Variants in FSTL5 observed in about 807,000 individuals in gnomAD.
FSTL5 encodes follistatin-related protein 5.
A neutral mutation model predicts 89.1 loss-of-function variants in FSTL5; 62 were observed. That is an observed-to-expected ratio of 0.70 (90% CI 0.57 to 0.86). The LOEUF is 0.86. FSTL5 is among the 40% of genes least tolerant of loss of function. The probability of loss-of-function intolerance (pLI) is 0.00; values close to 1 mark genes in which losing one functional copy is unlikely to be tolerated. For synonymous variants in FSTL5, 383 were observed against 346.2 expected (o/e 1.11, Z -1.18); for missense variants, 1,057 against 1,001.6 (o/e 1.06, Z -0.75).
intron 15 of FSTL5, among the ~76,000 whole-genome samples, chr4:161,426,483 C>A (rs1266857434): frequency 6.6e-6 from 1 of 152,170 alleles, no homozygotes; most frequent in Non-Finnish European, 1.5e-5. Context: ...AGCTTGTAAG[C>A]AGATAGCAGA....
At chr4:161,774,131 G>A (rs896228443) in intron 5 of FSTL5, among the ~76,000 whole-genome samples, 13 of 152,156 alleles carry the variant, frequency 8.5e-5, no homozygotes, top group Admixed American at 4.6e-4. Context: ...GCATGGTGGC[G>A]GGTGCCTGTA....
At chr4:162,009,377 G>T (rs747376821) in intron 3 of FSTL5, among the ~76,000 whole-genome samples, 85 of 152,144 alleles carry the variant, frequency 5.6e-4, no homozygotes, top group Non-Finnish European at 8.2e-4. Context: ...CAAAGGAGTG[G>T]TCTTACAGAG....
At chr4:161,488,227 G>A (rs999952149) in intron 12 of FSTL5, among the ~76,000 whole-genome samples, 3 of 151,800 alleles carry the variant, frequency 2.0e-5, no homozygotes, top group African/African-American at 7.3e-5. Flanking sequence ...TTCAATTTCC[G>A]ATTTCATTTA....
chr4:161,712,739 C>T (rs1388433664), intron 6 of FSTL5, among the ~76,000 whole-genome samples: 1 of 152,022 alleles, frequency 6.6e-6, no homozygotes, highest in Non-Finnish European at 1.5e-5. Flanking sequence ...CATGAGTTCA[C>T]TGGAGATCTC....
intron 1 of FSTL5, among the ~76,000 whole-genome samples, chr4:162,154,875 A>G (rs1252791743): frequency 1.3e-5 from 2 of 152,174 alleles, no homozygotes; most frequent in Non-Finnish European, 2.9e-5. Flanking sequence ...ATTAGGAAGA[A>G]CAGCCTACGA....
chr4:161,538,432 G>C (rs1731708169), intron 9 of FSTL5, 132 bp from the exon 10 acceptor site: 1 of 941,744 alleles, frequency 1.1e-6, no homozygotes, highest in Admixed American at 2.1e-5. Flanking sequence ...TCCATACTTT[G>C]AAGGCATGCC....
intron 3 of FSTL5, among the ~76,000 whole-genome samples, chr4:162,031,664 G>A (rs1193012057): frequency 1.3e-5 from 2 of 152,072 alleles, no homozygotes; most frequent in Non-Finnish European, 2.9e-5. Flanking sequence ...AGGGCCGGGC[G>A]CGGTGGCTCA....
At chr4:161,511,532 A>G (rs1730652314) in intron 10 of FSTL5, among the ~76,000 whole-genome samples, 1 of 152,144 alleles carries the variant, frequency 6.6e-6, no homozygotes, top group African/African-American at 2.4e-5. Context: ...AAAAAGTATA[A>G]CTTTCAATTA....
rs573542372 is a variant in FSTL5, at chr4:162,081,829, C to T, written c.126+29442G>A. ...TCTCTCTCTCTCTCTCACACACACA[C>T]ACCTTCTTAAGCCGACAAAATTTAT... On this transcript the variant is annotated intron_variant, in intron 2 of 15. Coordinates refer to ENST00000306100, the MANE Select transcript of FSTL5 (RefSeq NM_020116.5). 8.6e-5 allele frequency among the ~76,000 whole-genome samples: 13 copies of T among 151,172 alleles called. 1 individual carries two copies. The South Asian group carries it at 2.5e-3, about 29-fold the overall frequency.
chr4:162,124,139 G>T (rs547536030), intron 1 of FSTL5, among the ~76,000 whole-genome samples: 1 of 152,064 alleles, frequency 6.6e-6, no homozygotes, highest in Non-Finnish European at 1.5e-5. Flanking sequence ...ACAATACATT[G>T]GTACTAGTAT....
At chr4:161,444,937 T>C (rs1444083971) in intron 15 of FSTL5, among the ~76,000 whole-genome samples, 1 of 151,982 alleles carries the variant, frequency 6.6e-6, no homozygotes. Context: ...GCTGCTAGTT[T>C]TAAATGAGAC....
intron 7 of FSTL5, among the ~76,000 whole-genome samples, chr4:161,615,544 C>T (rs1170185250): frequency 6.6e-6 from 1 of 151,608 alleles, no homozygotes; most frequent in Non-Finnish European, 1.5e-5. Flanking sequence ...CAAACACACA[C>T]ACATGCATGT....
At chr4:162,025,726 T>C (rs1349458848) in intron 3 of FSTL5, among the ~76,000 whole-genome samples, 1 of 152,062 alleles carries the variant, frequency 6.6e-6, no homozygotes, top group Non-Finnish European at 1.5e-5. Context: ...ATATATCTTA[T>C]AATTATTTAA....
At chr4:161,429,214 G>T (rs185265566) in intron 15 of FSTL5, among the ~76,000 whole-genome samples, 1 of 152,124 alleles carries the variant, frequency 6.6e-6, no homozygotes, top group Non-Finnish European at 1.5e-5. Flanking sequence ...GCACCAAGCA[G>T]ATTCCTAAAG....
chr4:161,399,171 T>C (rs2110899478), intron 15 of FSTL5, among the ~76,000 whole-genome samples: 1 of 152,222 alleles, frequency 6.6e-6, no homozygotes, highest in South Asian at 2.1e-4. Context: ...AAACTTGTTT[T>C]GTTATGTTTT....
chr4:162,162,587 G>A (rs190049733), intron 1 of FSTL5, among the ~76,000 whole-genome samples: 2 of 152,186 alleles, frequency 1.3e-5, no homozygotes, highest in East Asian at 3.9e-4. Context: ...GAAATACAAA[G>A]AGCACAGGAT....
chr4:161,405,539 G>C (rs1050361211), intron 15 of FSTL5, among the ~76,000 whole-genome samples: 7 of 152,030 alleles, frequency 4.6e-5, no homozygotes, highest in Admixed American at 3.3e-4. Flanking sequence ...ACTAAATGGA[G>C]GCTAAAAGAC....
intron 3 of FSTL5, among the ~76,000 whole-genome samples, chr4:162,020,528 C>T (rs901381494): frequency 6.6e-6 from 1 of 151,992 alleles, no homozygotes; most frequent in African/African-American, 2.4e-5. Context: ...TCACCATAGC[C>T]TCAATAGATG....
At chr4:162,122,127 G>A (rs72984763) in intron 1 of FSTL5, among the ~76,000 whole-genome samples, 31,908 of 151,570 alleles carry the variant, frequency 0.21, 3,588 homozygotes, top group African/African-American at 0.22. Context: ...TACTGTGCAC[G>A]GGGTTGGCAC....
Sources: gnomAD v4.1 joint callset for allele counts (sites outside exome capture counted in the v4.1 genomes callset) on GRCh38, gnomAD v4.1.1 for gene constraint, MANE v1.5 for transcripts, NCBI Gene and HGNC (gene_info 2026-07-23, HGNC 2026-07-21) for gene names.